NEGR1: variants seen among roughly 807,000 people sequenced by gnomAD.
NEGR1 encodes IgLON family member 4.
In NEGR1, 10 loss-of-function variants were observed where a neutral mutation model predicts 40.9. The observed-to-expected ratio is 0.24, with a 90% CI of 0.15 to 0.42. NEGR1 has a LOEUF of 0.42. Among genes scored for constraint, NEGR1 ranks in the 10% least tolerant of loss-of-function variants. The pLI is 1.00. For synonymous variants in NEGR1, 185 were observed against 166.8 expected (o/e 1.11, Z -0.84); for missense variants, 352 against 438.9 (o/e 0.80, Z 1.77).
chr1:71,701,449 A>C (rs570735406), intron 3 of NEGR1, among the ~76,000 whole-genome samples: 1 of 151,962 alleles, frequency 6.6e-6, no homozygotes, highest in South Asian at 2.1e-4. Context: ...TCTTTATCCC[A>C]CTTTGAATCT....
At chr1:71,583,468 A>T (rs761647870) in intron 6 of NEGR1, among the ~76,000 whole-genome samples, 2 of 152,192 alleles carry the variant, frequency 1.3e-5, no homozygotes, top group Non-Finnish European at 2.9e-5. Flanking sequence ...AGCCTGAGAG[A>T]AATAAACCCT....
intron 3 of NEGR1, chr1:71,738,278 TC>T: frequency 4.1e-6 from 1 of 243,316 alleles, no homozygotes; most frequent in Non-Finnish European, 8.8e-6. Flanking sequence ...ACAGATGTCA[TC>T]AAGGCCTTGA....
intron 4 of NEGR1, among the ~76,000 whole-genome samples, chr1:71,631,891 T>C (rs911666027): frequency 6.6e-6 from 1 of 151,668 alleles, no homozygotes; most frequent in African/African-American, 2.4e-5. Context: ...AGTATAGCAA[T>C]TAAGGGGTTT....
chr1:71,590,001 G>T (rs1230192085), intron 6 of NEGR1, among the ~76,000 whole-genome samples: 1 of 152,012 alleles, frequency 6.6e-6, no homozygotes, highest in Admixed American at 6.6e-5. Flanking sequence ...GTCTTCAAAT[G>T]TATTGAATTG....
intron 2 of NEGR1, among the ~76,000 whole-genome samples, chr1:71,799,955 G>A (rs1361446198): frequency 6.6e-6 from 1 of 152,068 alleles, no homozygotes; most frequent in Non-Finnish European, 1.5e-5. Context: ...CTCGTGATCT[G>A]CCTACCTTGG....
chr1:72,197,922 T>G (rs1375713949), intron 1 of NEGR1, among the ~76,000 whole-genome samples: 1 of 152,200 alleles, frequency 6.6e-6, no homozygotes, highest in African/African-American at 2.4e-5. Flanking sequence ...TTTAATTCAG[T>G]ATTTTCCTTT....
At chr1:71,977,055 G>A (rs1646311154) in intron 1 of NEGR1, among the ~76,000 whole-genome samples, 1 of 152,174 alleles carries the variant, frequency 6.6e-6, no homozygotes. Context: ...GGGAGTGGTG[G>A]CTCATGGCTG....
chr1:71,727,926 CA>C lies in NEGR1; in HGVS notation c.536-29788del, dbSNP rs1187572530. 3.9e-5 allele frequency among the ~76,000 whole-genome samples: 6 copies of C among 152,076 alleles called. No individual in the cohort carries two copies. The East Asian group carries it at 1.2e-3, about 29-fold the overall frequency. ...CTTGTAAGTATGAAAAGTTAGGAAG[CA>C]ACTGGAGAGGCTGGGATTAGAAAGA... On this transcript the variant is annotated intron_variant, in intron 3 of 6. Transcript: ENST00000357731.
intron 1 of NEGR1, among the ~76,000 whole-genome samples, chr1:71,966,407 C>T (rs1646209789): frequency 6.6e-6 from 1 of 152,132 alleles, no homozygotes; most frequent in Non-Finnish European, 1.5e-5. Flanking sequence ...CATGCCAAAA[C>T]AGTAGAATAG....
At chr1:72,056,987 C>T (rs1647116789) in intron 1 of NEGR1, among the ~76,000 whole-genome samples, 1 of 151,482 alleles carries the variant, frequency 6.6e-6, no homozygotes, top group Non-Finnish European at 1.5e-5. Flanking sequence ...TGATGCAAAG[C>T]CATTTCTCTG....
intron 1 of NEGR1, among the ~76,000 whole-genome samples, chr1:72,103,373 A>G (rs531827458): frequency 8.5e-5 from 13 of 152,184 alleles, no homozygotes; most frequent in Non-Finnish European, 1.9e-4. Flanking sequence ...ATAATTAATG[A>G]TTTAATAAAA....
chr1:71,432,277 G>A (rs1019536290), intron 6 of NEGR1, among the ~76,000 whole-genome samples: 1 of 152,144 alleles, frequency 6.6e-6, no homozygotes, highest in African/African-American at 2.4e-5. Flanking sequence ...AATAGAGCAT[G>A]TATATTAGCA....
intron 2 of NEGR1, among the ~76,000 whole-genome samples, chr1:71,904,409 T>A (rs1661222870): frequency 6.6e-6 from 1 of 152,058 alleles, no homozygotes; most frequent in Non-Finnish European, 1.5e-5. Flanking sequence ...ATACTATACA[T>A]CACTATCATT....
chr1:71,407,628 A>G, intron 6 of NEGR1, 58 bp from the exon 7 acceptor site: 1 of 1,572,818 alleles, frequency 6.4e-7, no homozygotes, highest in South Asian at 1.1e-5. Flanking sequence ...CAGGATCTTG[A>G]CAATAATCAA....
intron 2 of NEGR1, among the ~76,000 whole-genome samples, chr1:71,930,395 C>T (rs1645843861): frequency 6.6e-6 from 1 of 152,116 alleles, no homozygotes; most frequent in Non-Finnish European, 1.5e-5. Context: ...GATATATTGG[C>T]TTTCAGAAAT....
intron 1 of NEGR1, among the ~76,000 whole-genome samples, chr1:72,112,537 G>A (rs979466212): frequency 3.3e-5 from 5 of 151,570 alleles, no homozygotes; most frequent in African/African-American, 9.7e-5. Flanking sequence ...TGATACATTT[G>A]TGATTGTTAG....
At chr1:72,137,723 T>TA (rs1022655259) in intron 1 of NEGR1, among the ~76,000 whole-genome samples, 2 of 151,900 alleles carry the variant, frequency 1.3e-5, no homozygotes, top group East Asian at 3.9e-4. Context: ...TAAACTATAA[T>TA]AAAAAAATAA....
intron 1 of NEGR1, among the ~76,000 whole-genome samples, chr1:71,941,734 A>G (rs1196082307): frequency 6.6e-6 from 1 of 151,686 alleles, no homozygotes; most frequent in Non-Finnish European, 1.5e-5. Flanking sequence ...ACCGTTCAGT[A>G]TACAATAGTA....
Position 71,674,586 on chromosome 1 carries a change from G to GCACACACA in NEGR1, c.667+23414_667+23421dup, listed in dbSNP as rs3220087. 3.5e-3 allele frequency among the ~76,000 whole-genome samples: 521 copies of GCACACACA among 146,902 alleles called. 5 individuals are homozygous for GCACACACA. The highest frequency in any genetic ancestry group is 0.011 in the African/African-American group (452 of 39,902). ...TACTCTGCAGGCTTTTGCTGGGAGG[G>GCACACACA]CACACACACACACACACACACACAC... is the stretch of plus-strand genomic sequence containing the variant. On this transcript the variant is annotated intron_variant, in intron 4 of 6. Transcript: ENST00000357731.
Sources: allele counts gnomAD v4.1 joint callset (sites outside exome capture counted in the v4.1 genomes callset), GRCh38; gene constraint gnomAD v4.1.1; transcripts MANE v1.5; gene names NCBI Gene and HGNC (gene_info 2026-07-23, HGNC 2026-07-21).